Variants in BRF1 observed in about 807,000 individuals in gnomAD.
BRF1 encodes BRF1 general transcription factor IIIB subunit, also known as transcription factor IIIB 90 kDa subunit.
BRF1 carries 59 observed loss-of-function variants against 81.7 expected under a neutral mutation model. The ratio of observed to expected loss-of-function variants is 0.72; its 90% confidence interval spans 0.59 to 0.90. The LOEUF (loss-of-function observed/expected upper bound fraction) is 0.90, where lower values mean the gene tolerates loss of function less well. Among genes scored for constraint, BRF1 ranks in the 40% least tolerant of loss-of-function variants. The pLI is 0.00. For missense variants in BRF1, 1,050 were observed against 936.3 expected, an observed-to-expected ratio of 1.12 and a Z score of -1.58; for synonymous variants, 491 against 395.6, an observed-to-expected ratio of 1.24 and a Z score of -2.86.
At position 105,218,821 on chromosome 14, in the gene BRF1, C is replaced by T. The variant is rs116845778; in HGVS notation, c.1515+177G>A. On this transcript the variant is annotated intron_variant, in intron 14 of 17. Coordinates refer to ENST00000547530, the MANE Select transcript of BRF1 (RefSeq NM_001519.4). ...GACGGCTGGGCGCCTGTGGCCAGCA[C>T]GGGGCAGGACCTAGTGGTTAAGGAC... is the stretch of plus-strand genomic sequence containing the variant. 9.6e-3 allele frequency among the ~76,000 whole-genome samples: 1,461 copies of T among 152,314 alleles called. 50 individuals are homozygous for T. Among genetic ancestry groups the T allele is most frequent in the Admixed American group, 0.065 (990 of 15,310 alleles).
Position 105,210,485 on chromosome 14 carries a change from C to A in BRF1, c.*66G>T. ...GGCCTGCCTGCTGCGGTCCTGGAAGCCCGTCTGATGCTGAGGAGACCCGCG... is the reference window on the plus strand; with the variant it reads ...GGCCTGCCTGCTGCGGTCCTGGAAGACCGTCTGATGCTGAGGAGACCCGCG... On this transcript the variant is annotated 3_prime_UTR_variant, in exon 18 of 18. Coordinates refer to ENST00000547530, the MANE Select transcript of BRF1 (RefSeq NM_001519.4). This position sits in a 1 kb window ranked among gnomAD's most constrained non-coding sequence, Gnocchi z 4.7. 2 of 1,583,940 alleles carry A rather than the reference C, an allele frequency of 1.3e-6. No individual in the cohort carries two copies. The highest frequency in any genetic ancestry group is 1.3e-5 in the African/African-American group (1 of 74,498).
intron 5 of BRF1, among the ~76,000 whole-genome samples, chr14:105,243,783 G>A (rs943807207): frequency 4.0e-5 from 6 of 151,826 alleles, no homozygotes; most frequent in Admixed American, 2.6e-4. Context: ...ATCACCTGAC[G>A]TCAGGAATTC....
chr14:105,256,115 A>G, intron 4 of BRF1: 1 of 1,261,184 alleles, frequency 7.9e-7, no homozygotes. Flanking sequence ...ACAGAGCGAG[A>G]CTCCATCTCA....
In BRF1 at chr14:105,209,911, A is replaced by AG. The variant is rs1471794773; in HGVS notation, c.*639dup. 2 of 344,104 alleles carry AG rather than the reference A, an allele frequency of 5.8e-6. No individual in the cohort carries two copies. Among genetic ancestry groups the AG allele is most frequent in the South Asian group, 1.8e-4 (2 of 11,310 alleles). The allele number at this position is 344,104 out of a possible 1,614,324, so 21.3% of individuals were successfully genotyped here. ...GCTCCAGGCGGTGCAGGCAGCGGGG[A>AG]GGGGGGTCTGGAGGAGGCAGGGGTG... On this transcript the variant is annotated 3_prime_UTR_variant, in exon 18 of 18. Coordinates refer to ENST00000547530, the MANE Select transcript of BRF1 (RefSeq NM_001519.4).
chr14:105,255,056 A>G (rs1458666336), intron 4 of BRF1, among the ~76,000 whole-genome samples: 2 of 152,126 alleles, frequency 1.3e-5, no homozygotes, highest in African/African-American at 4.8e-5. Flanking sequence ...GTGTCTGATG[A>G]GCTGTGTGCC....
intron 4 of BRF1, chr14:105,256,136 A>G (rs773437912): frequency 6.4e-6 from 9 of 1,399,684 alleles, no homozygotes; most frequent in Non-Finnish European, 8.5e-6. Context: ...TAAATAAATA[A>G]ATAAATAAAA....
chr14:105,227,235 A>G (rs1893258365), intron 7 of BRF1: 1 of 163,886 alleles, frequency 6.1e-6, no homozygotes, highest in Non-Finnish European at 1.3e-5. Flanking sequence ...CCAGGCCAAC[A>G]CGGTGAAACC....
chr14:105,274,245 C>T (rs1439590318), intron 2 of BRF1, among the ~76,000 whole-genome samples: 1 of 152,166 alleles, frequency 6.6e-6, no homozygotes, highest in Non-Finnish European at 1.5e-5. Flanking sequence ...CCCACTATCA[C>T]CCTGCTCTCC....
At chr14:105,228,692 G>C (rs2054211069) in intron 7 of BRF1, 128 bp downstream of exon 7, 6 of 1,035,588 alleles carry the variant, frequency 5.8e-6, no homozygotes, top group Non-Finnish European at 7.2e-6. Context: ...GGCTGGGCTA[G>C]GTCCTGGCCA....
intron 10 of BRF1, among the ~76,000 whole-genome samples, chr14:105,222,754 G>A (rs1312497180): frequency 6.6e-6 from 1 of 151,918 alleles, no homozygotes; most frequent in Non-Finnish European, 1.5e-5. Context: ...TCAGCCTCCT[G>A]AGTAGCTGGG....
Position 105,228,803 on chromosome 14 carries a change from G to C in BRF1, c.788+17C>G, listed in dbSNP as rs201411891. 46 of 1,613,454 alleles carry C rather than the reference G, an allele frequency of 2.9e-5. No homozygotes were observed. In the African/African-American group the frequency reaches 5.2e-4, roughly 18 times the overall value. On this transcript the variant is annotated intron_variant, in intron 7 of 17. Coordinates refer to ENST00000547530, the MANE Select transcript of BRF1 (RefSeq NM_001519.4). Reference sequence around the variant, plus strand: ...AGCCTCTGTGTGGTCCCCATGCCATGAATGAGAGCCCCTCACCTCTTCCGC... The same window carrying C: ...AGCCTCTGTGTGGTCCCCATGCCATCAATGAGAGCCCCTCACCTCTTCCGC...
At chr14:105,254,556 C>T (rs986993778) in intron 4 of BRF1, among the ~76,000 whole-genome samples, 2 of 150,060 alleles carry the variant, frequency 1.3e-5, no homozygotes, top group African/African-American at 2.5e-5. Context: ...CGCACCTGGC[C>T]GCAGTTTTTT....
chr14:105,306,639 T>C (rs587620810), intron 1 of BRF1, among the ~76,000 whole-genome samples: 1 of 151,924 alleles, frequency 6.6e-6, no homozygotes, highest in Admixed American at 6.6e-5. Context: ...TGAGTCTCGC[T>C]GTGTCGCCCA....
In BRF1 at chr14:105,210,719, C is replaced by A. The variant is rs1027475781; in HGVS notation, c.1997-131G>T. On this transcript the variant is annotated intron_variant, in intron 17 of 17. Transcript: ENST00000547530. The surrounding 1 kb of genome is among the most constrained non-coding windows in gnomAD (Gnocchi z 4.7). ...AGCCCCAGCCCCAGCCCCCCGCGCCCCGCCAGGAGCCATCTTGGGCTCCTC... is the reference window on the plus strand; with the variant it reads ...AGCCCCAGCCCCAGCCCCCCGCGCCACGCCAGGAGCCATCTTGGGCTCCTC... 2 of 1,022,052 alleles carry A rather than the reference C, an allele frequency of 2.0e-6. No individual in the cohort carries two copies. The highest frequency in any genetic ancestry group is 3.2e-5 in the African/African-American group (2 of 62,570). The allele number at this position is 1,022,052 out of a possible 1,614,324, so 63.3% of individuals were successfully genotyped here.
intron 15 of BRF1, among the ~76,000 whole-genome samples, chr14:105,214,781 A>T (rs1298376296): frequency 2.6e-5 from 4 of 152,198 alleles, no homozygotes; most frequent in Admixed American, 1.3e-4. Flanking sequence ...GGGCTGAGGC[A>T]GTGCCTCCTC....
At chr14:105,306,016 G>A (rs754748280) in intron 1 of BRF1, among the ~76,000 whole-genome samples, 8 of 152,258 alleles carry the variant, frequency 5.3e-5, no homozygotes, top group Non-Finnish European at 8.8e-5. Flanking sequence ...GCAGCAGAGC[G>A]GGGCCCAGGC....
chr14:105,248,367 G>A, intron 5 of BRF1: 1 of 985,496 alleles, frequency 1.0e-6, no homozygotes, highest in Non-Finnish European at 1.2e-6. Flanking sequence ...GGCACTGCGG[G>A]TCTGGGGGCG....
chr14:105,252,128 C>T lies in BRF1; in HGVS notation c.544+379G>A, dbSNP rs188511733. Among the ~76,000 whole-genome samples the T allele has an allele frequency of 3.3e-3, 495 of 152,284 alleles. 9 individuals are homozygous for T. Among genetic ancestry groups the T allele is most frequent in the African/African-American group, 0.011 (469 of 41,560 alleles). On this transcript the variant is annotated intron_variant, in intron 5 of 17. Coordinates refer to ENST00000547530, the MANE Select transcript of BRF1 (RefSeq NM_001519.4). Reference sequence around the variant, plus strand: ...CACGCAGCACTTGTTTCCCTGTCTACACCTTCCTGCCACCTGACAGGCACT... The same window carrying T: ...CACGCAGCACTTGTTTCCCTGTCTATACCTTCCTGCCACCTGACAGGCACT...
chr14:105,311,886 GCGGCAGGGCCTGTCTAGGGGTT>G (rs1308713702), intron 1 of BRF1, among the ~76,000 whole-genome samples: 1 of 152,254 alleles, frequency 6.6e-6, no homozygotes, highest in Non-Finnish European at 1.5e-5. Context: ...GGGAGTGGAT[GCGGCAGGGCCTGTCTAGGGGTT>G]CGGCAGTTCT....
Sources: allele counts gnomAD v4.1 joint callset (sites outside exome capture counted in the v4.1 genomes callset), GRCh38; gene constraint gnomAD v4.1.1; non-coding constraint Gnocchi (gnomAD v3.1); transcripts MANE v1.5; gene names NCBI Gene and HGNC (gene_info 2026-07-23, HGNC 2026-07-21).